The following TEX36 variants were observed in gnomAD, a reference collection of about 807,000 sequenced individuals.
The protein encoded by TEX36 is testis expressed 36, also known as testis-expressed protein 36.
A neutral mutation model predicts 13.6 loss-of-function variants in TEX36; 12 were observed. That is an observed-to-expected ratio of 0.88 (90% CI 0.56 to 1.43). The LOEUF is 1.43. TEX36 is among the 40% of genes most tolerant of loss of function. TEX36 has a pLI of 0.00. For synonymous variants in TEX36, 93 were observed against 83.0 expected (o/e 1.12, Z -0.65); for missense variants, 224 against 228.3 (o/e 0.98, Z 0.12).
chr10:125,596,255 T>C (rs971628497), intron 3 of TEX36, among the ~76,000 whole-genome samples: 1 of 152,056 alleles, frequency 6.6e-6, no homozygotes, highest in African/African-American at 2.4e-5. Context: ...TTCTGGATTA[T>C]CAAGATGGGC....
intron 3 of TEX36, among the ~76,000 whole-genome samples, chr10:125,589,775 A>T (rs1278290719): frequency 6.6e-6 from 1 of 152,194 alleles, no homozygotes; most frequent in African/African-American, 2.4e-5. Context: ...CATATGAAAA[A>T]TTACAGTATA....
chr10:125,661,745 A>G (rs1338343098), intron 2 of TEX36, 101 bp downstream of exon 2: 2 of 1,449,834 alleles, frequency 1.4e-6, no homozygotes, highest in South Asian at 1.4e-5. Context: ...GTAAATGCGC[A>G]GTTTCTTACA....
At chr10:125,616,496 G>C (rs1251638712) in intron 3 of TEX36, among the ~76,000 whole-genome samples, 2 of 118,572 alleles carry the variant, frequency 1.7e-5, no homozygotes, top group East Asian at 4.6e-4. Context: ...CTTTGTTCTC[G>C]TTGGTTTCAA....
At chr10:125,655,452 A>ACTTTTC (rs1846923237), downstream of TEX36, among the ~76,000 whole-genome samples, 2 of 152,198 alleles carry the variant, frequency 1.3e-5, no homozygotes, top group African/African-American at 4.8e-5. Context: ...ACAAAATTAA[A>ACTTTTC]AAAAAGTTGT....
chr10:125,633,457 C>G (rs879636030), intron 3 of TEX36, among the ~76,000 whole-genome samples: 2 of 152,148 alleles, frequency 1.3e-5, no homozygotes, highest in Admixed American at 6.5e-5. Context: ...TTTTACCAAT[C>G]GATTTTTTAA....
chr10:125,627,459 C>A (rs1846502113), intron 3 of TEX36, among the ~76,000 whole-genome samples: 1 of 152,060 alleles, frequency 6.6e-6, no homozygotes, highest in African/African-American at 2.4e-5. Context: ...TTAAGTCATG[C>A]TTAAAGTCAT....
chr10:125,612,089 C>CTTTTTCT lies in TEX36; in HGVS notation c.265-35216_265-35215insAGAAAAA, dbSNP rs1324496147. Among the ~76,000 whole-genome samples the CTTTTTCT allele has an allele frequency of 1.7e-4, 23 of 136,788 alleles. No individual in the cohort carries two copies. The South Asian group carries it at 5.4e-3, about 32-fold the overall frequency. The allele number at this position is 136,788 out of a possible 152,430, so 89.7% of individuals were successfully genotyped here. On this transcript the variant is annotated intron_variant, in intron 3 of 3. Transcript: ENST00000532135. ...TTCTTTTCTTTTTCTTTTTCTTTTTCTTTTTTTTTTTTTTCAGACAGAGTC... is the reference window on the plus strand; with the variant it reads ...TTCTTTTCTTTTTCTTTTTCTTTTTCTTTTTCTTTTTTTTTTTTTTTCAGACAGAGTC...
At chr10:125,659,320 T>C (rs370694637) in intron 3 of TEX36, among the ~76,000 whole-genome samples, 2 of 152,194 alleles carry the variant, frequency 1.3e-5, no homozygotes, top group South Asian at 2.1e-4. Context: ...TAGAATCCTG[T>C]TTATATCATT....
At position 125,662,420 on chromosome 10, in the gene TEX36, G is replaced by A. The variant is rs186237965; in HGVS notation, c.52-443C>T. Among the ~76,000 whole-genome samples the A allele has an allele frequency of 1.4e-3, 210 of 152,296 alleles. 1 individual carries two copies. Among genetic ancestry groups the A allele is most frequent in the Non-Finnish European group, 2.3e-3 (158 of 68,026 alleles). On this transcript the variant is annotated intron_variant, in intron 1 of 3. Transcript: ENST00000368821. ...GTATGAGGTGGCCCTAAGACCACGG[G>A]AAGGGGAGGAACAGAGAATCTCAAG...
chr10:125,673,676 C>T (rs1471674697), intron 1 of TEX36, among the ~76,000 whole-genome samples: 1 of 145,380 alleles, frequency 6.9e-6, no homozygotes, highest in Non-Finnish European at 1.5e-5. Context: ...CACTATTGCA[C>T]TCCAGCCTGG....
rs1846931506 is a variant in TEX36, at chr10:125,655,859, A to T, written c.*41T>A. Reference sequence around the variant, plus strand: ...ATATACTTTTAGGATGTCTGATGAAATACCAGTATTACAAAATTCATCAAA... The same window carrying T: ...ATATACTTTTAGGATGTCTGATGAATTACCAGTATTACAAAATTCATCAAA... On this transcript the variant is annotated 3_prime_UTR_variant, in exon 4 of 4. Transcript: ENST00000368821. 6.9e-7 allele frequency: 1 copy of T among 1,448,066 alleles called. No individual in the cohort carries two copies. Among genetic ancestry groups the T allele is most frequent in the Non-Finnish European group, 9.1e-7 (1 of 1,096,470 alleles). The allele number at this position is 1,448,066 out of a possible 1,614,324, so 89.7% of individuals were successfully genotyped here. A position where few individuals can be genotyped will look rare whatever the true frequency, so the allele number is the denominator to read the frequency against.
At chr10:125,612,813 A>AAG (rs1366367431) in intron 3 of TEX36, among the ~76,000 whole-genome samples, 1 of 151,804 alleles carries the variant, frequency 6.6e-6, no homozygotes, top group Non-Finnish European at 1.5e-5. Context: ...AAACAGGAAA[A>AAG]AAAAAAACTA....
chr10:125,620,584 G>T (rs1200111901), downstream of TEX36, among the ~76,000 whole-genome samples: 1 of 152,330 alleles, frequency 6.6e-6, no homozygotes, highest in East Asian at 1.9e-4. Flanking sequence ...GCCAGTGACA[G>T]TTGCTGCCAG....
At chr10:125,614,518 G>T (rs973979387) in intron 3 of TEX36, among the ~76,000 whole-genome samples, 7 of 151,918 alleles carry the variant, frequency 4.6e-5, no homozygotes, top group Admixed American at 2.6e-4. Flanking sequence ...AGTTTTCCCA[G>T]CACCATTTAT....
At chr10:125,579,746 C>T (rs1049743218) in intron 3 of TEX36, among the ~76,000 whole-genome samples, 2 of 152,032 alleles carry the variant, frequency 1.3e-5, no homozygotes, top group African/African-American at 4.8e-5. Flanking sequence ...TGGCGCCTTC[C>T]CTTTTGTTCT....
Position 125,592,515 on chromosome 10 carries a change from A to T in TEX36, c.265-15641T>A, listed in dbSNP as rs148006984. Among the ~76,000 whole-genome samples, 60 of 152,298 alleles carry T rather than the reference A, an allele frequency of 3.9e-4. 1 individual carries two copies. The highest frequency in any genetic ancestry group is 1.4e-3 in the African/African-American group (57 of 41,576). ...ACTTTCTTACACAGTCACTCAACAC[A>T]ATGCTTCTGACACCAGATATGCTGG... On this transcript the variant is annotated intron_variant, in intron 3 of 3. Coordinates refer to the TEX36 transcript ENST00000532135.
At chr10:125,641,542 C>T (rs554309956) in intron 3 of TEX36, among the ~76,000 whole-genome samples, 4 of 152,252 alleles carry the variant, frequency 2.6e-5, no homozygotes, top group South Asian at 4.1e-4. Context: ...CGCTATGAAA[C>T]GTTATTGCCC....
intron 3 of TEX36, among the ~76,000 whole-genome samples, chr10:125,589,837 A>G (rs954783256): frequency 1.3e-4 from 20 of 152,182 alleles, no homozygotes; most frequent in African/African-American, 4.8e-4. Context: ...TATCAGAATA[A>G]TATTGTCTGA....
downstream of TEX36, among the ~76,000 whole-genome samples, chr10:125,618,237 C>T (rs1846383007): frequency 6.6e-6 from 1 of 152,146 alleles, no homozygotes. Flanking sequence ...TTTGAATTTC[C>T]TCCCGTAGCT....
Sources: allele counts gnomAD v4.1 joint callset (sites outside exome capture counted in the v4.1 genomes callset), GRCh38; gene constraint gnomAD v4.1.1; transcripts MANE v1.5; gene names NCBI Gene and HGNC (gene_info 2026-07-23, HGNC 2026-07-21).